The following NT5C1B variants were observed in gnomAD, a reference collection of about 807,000 sequenced individuals.
NT5C1B encodes cytosolic 5'-nucleotidase 1B.
A neutral mutation model predicts 57.8 loss-of-function variants in NT5C1B; 44 were observed. The ratio of observed to expected loss-of-function variants is 0.76; its 90% CI spans 0.60 to 0.98. The LOEUF is 0.98. Ranked by LOEUF, NT5C1B falls within the 50% of genes least tolerant of loss-of-function variation. The pLI is 0.00. For synonymous variants in NT5C1B, 284 were observed against 282.6 expected, an observed-to-expected ratio of 1.00 and a Z score of -0.05; for missense variants, 742 against 719.5, an observed-to-expected ratio of 1.03 and a Z score of -0.36.
intron 1 of NT5C1B, among the ~76,000 whole-genome samples, chr2:18,588,298 T>C (rs1666907844): frequency 6.6e-6 from 1 of 152,214 alleles, no homozygotes; most frequent in Admixed American, 6.5e-5. Context: ...TTGAACTGTT[T>C]CATGCTAAGT....
intron 8 of NT5C1B, among the ~76,000 whole-genome samples, chr2:18,574,119 A>C (rs1416643656): frequency 2.0e-5 from 3 of 152,288 alleles, no homozygotes; most frequent in Middle Eastern, 3.4e-3. Flanking sequence ...ACAACTCAAC[A>C]GCAAAATAAA....
chr2:18,575,163 A>C (rs1665564131), intron 8 of NT5C1B, among the ~76,000 whole-genome samples: 1 of 152,074 alleles, frequency 6.6e-6, no homozygotes, highest in Admixed American at 6.6e-5. Context: ...CATTTCAATA[A>C]TGGTGAAAGG....
At position 18,584,010 on chromosome 2, in the gene NT5C1B, A is replaced by T. The variant is rs773225696; in HGVS notation, c.891+78T>A. On this transcript the variant is annotated intron_variant, in intron 5 of 8. Coordinates refer to ENST00000304081, the Ensembl canonical transcript of NT5C1B. This position sits in a 1 kb window ranked among gnomAD's most constrained non-coding sequence, Gnocchi z 5.8. ...GGCTAGGAATGATCTGGGAAATTGG[A>T]TGCCCTCCCAAGGGTTGGCCTGGGT... 5.0e-6 allele frequency: 8 copies of T among 1,610,776 alleles called. No individual in the cohort carries two copies. The highest frequency in any genetic ancestry group is 6.8e-6 in the Non-Finnish European group (8 of 1,177,824).
Position 18,584,048 on chromosome 2 carries a change from A to T in NT5C1B, c.891+40T>A. The T allele has an allele frequency of 6.2e-7, 1 of 1,614,176 alleles. No individual in the cohort carries two copies. The highest frequency in any genetic ancestry group is 8.5e-7 in the Non-Finnish European group (1 of 1,180,010). On this transcript the variant is annotated intron_variant, in intron 5 of 8. Transcript: ENST00000304081. The surrounding 1 kb of genome is among the most constrained non-coding windows in gnomAD (Gnocchi z 5.8). ...GGTTGGCCTGGGTCCCTCCCTCGCC[A>T]TCGAGTGTCCTGGCGGGCCAAAGAC... is the stretch of plus-strand genomic sequence containing the variant.
At position 18,586,403 on chromosome 2, in the gene NT5C1B, A is replaced by G. The variant is rs766775883; in HGVS notation, c.121-12T>C. 7 of 1,613,746 alleles carry G rather than the reference A, an allele frequency of 4.3e-6. No homozygotes were observed. On this transcript the variant is annotated splice_polypyrimidine_tract_variant and intron_variant, in intron 2 of 8. Transcript: ENST00000304081. ...GATTCTTGTGATCCCTGTGATGGAAAGAAGAAACCCAACGGTGTAAAACCC... is the reference window on the plus strand; with the variant it reads ...GATTCTTGTGATCCCTGTGATGGAAGGAAGAAACCCAACGGTGTAAAACCC...
chr2:18,577,474 T>G (rs1413130795), intron 6 of NT5C1B, among the ~76,000 whole-genome samples: 1 of 131,604 alleles, frequency 7.6e-6, no homozygotes, highest in Admixed American at 7.6e-5. Context: ...TACAATTACA[T>G]GGAAAGTAAA....
At chr2:18,572,518 G>A (rs571822112) in intron 8 of NT5C1B, among the ~76,000 whole-genome samples, 4 of 152,116 alleles carry the variant, frequency 2.6e-5, no homozygotes, top group Non-Finnish European at 5.9e-5. Context: ...GACAAGCACA[G>A]GCTGAGAGAA....
chr2:18,583,043 T>G (rs749715059), intron 5 of NT5C1B, 46 bp from the exon 6 acceptor site: 1 of 1,592,938 alleles, frequency 6.3e-7, no homozygotes, highest in Admixed American at 1.7e-5. Context: ...GCAGGCAGGG[T>G]GGATCTGGGG....
chr2:18,586,929 A>T, intron 2 of NT5C1B: 1 of 1,611,606 alleles, frequency 6.2e-7, no homozygotes, highest in Non-Finnish European at 8.5e-7. Context: ...TATTTGCCAT[A>T]TTCTTCCCCT....
Position 18,584,779 on chromosome 2 carries a change from G to T in NT5C1B, c.458C>A (p.Pro153Gln). The T allele has an allele frequency of 6.2e-7, 1 of 1,613,614 alleles. No individual in the cohort carries two copies. The highest frequency in any genetic ancestry group is 8.5e-7 in the Non-Finnish European group (1 of 1,179,832). Residue 153 changes from proline to glutamine, a missense_variant, in exon 4 of 9, where the codon CCG becomes CAG. Coordinates refer to ENST00000304081, the Ensembl canonical transcript of NT5C1B. This position sits in a 1 kb window ranked among gnomAD's most constrained non-coding sequence, Gnocchi z 5.8. The stretch of plus-strand genomic sequence containing the variant: ...CACGATGCCTTGGGCCCAGGCCTCC[G>T]GATTCTCTTGCATTTTGGTGCTGCG...
At chr2:18,567,054 G>A (rs1309425962) in intron 8 of NT5C1B, among the ~76,000 whole-genome samples, 2 of 152,158 alleles carry the variant, frequency 1.3e-5, no homozygotes, top group Non-Finnish European at 1.5e-5. Context: ...CAATGAGAGA[G>A]CATAGAAGCC....
At chr2:18,587,196 G>A in intron 2 of NT5C1B, 2 of 1,603,648 alleles carry the variant, frequency 1.2e-6, no homozygotes, top group South Asian at 2.2e-5. Context: ...GCAGAAAGTG[G>A]TCAATGCCAT....
chr2:18,584,724 C>T lies in NT5C1B; in HGVS notation c.513G>A (p.Gln171=), dbSNP rs1666527195. ...GGGACGTGCGCGAATATTCCAGCGG[C>T]TGCGAGTCCCGGGTCTGGCGGATTT... Residue 171 remains glutamine, a synonymous_variant, in exon 4 of 9, where the codon CAG becomes CAA. Coordinates refer to ENST00000304081, the Ensembl canonical transcript of NT5C1B. This position sits in a 1 kb window ranked among gnomAD's most constrained non-coding sequence, Gnocchi z 5.8. 1 of 1,613,040 alleles carries T rather than the reference C, an allele frequency of 6.2e-7. No homozygotes were observed. Among genetic ancestry groups the T allele is most frequent in the Admixed American group, 1.7e-5 (1 of 59,956 alleles).
chr2:18,586,390 C>G, exon 3 of NT5C1B: 1 of 1,613,892 alleles, frequency 6.2e-7, no homozygotes, highest in South Asian at 1.1e-5. Context: ...TTCTTGTGAT[C>G]CCTGTGATGG....
At chr2:18,579,152 A>G (rs1284877437) in intron 6 of NT5C1B, among the ~76,000 whole-genome samples, 1 of 152,206 alleles carries the variant, frequency 6.6e-6, no homozygotes, top group Non-Finnish European at 1.5e-5. Flanking sequence ...GCACAAACAA[A>G]TGGAAAAACA....
At chr2:18,582,612 T>C (rs1666276169) in intron 6 of NT5C1B, among the ~76,000 whole-genome samples, 1 of 152,188 alleles carries the variant, frequency 6.6e-6, no homozygotes, top group Admixed American at 6.5e-5. Flanking sequence ...AGAAATATAT[T>C]GCAGGACCTA....
intron 8 of NT5C1B, among the ~76,000 whole-genome samples, chr2:18,569,581 A>G (rs1664966753): frequency 6.6e-6 from 1 of 152,122 alleles, no homozygotes; most frequent in African/African-American, 2.4e-5. Context: ...AGCCCCCCCA[A>G]AAAAGCTGGA....
At chr2:18,588,407 C>T (rs756896654) in intron 1 of NT5C1B, among the ~76,000 whole-genome samples, 5 of 151,958 alleles carry the variant, frequency 3.3e-5, no homozygotes, top group South Asian at 2.1e-4. Flanking sequence ...TATATTCATC[C>T]GTTTATGCTC....
At chr2:18,586,655 C>T in intron 2 of NT5C1B, 1 of 589,930 alleles carries the variant, frequency 1.7e-6, no homozygotes. Context: ...TTCACTGTGA[C>T]TCCTCTTATG....
Sources: allele counts gnomAD v4.1 joint callset (sites outside exome capture counted in the v4.1 genomes callset), GRCh38; gene constraint gnomAD v4.1.1; non-coding constraint Gnocchi (gnomAD v3.1); transcripts MANE v1.5; gene names NCBI Gene and HGNC (gene_info 2026-07-23, HGNC 2026-07-21).